MYPOP: variants seen among roughly 807,000 people sequenced by gnomAD.
MYPOP encodes the protein Myb related transcription factor, partner of profilin.
A neutral mutation model predicts 25.7 loss-of-function variants in MYPOP; 21 were observed. The observed-to-expected ratio is 0.82, with a 90% CI of 0.58 to 1.18. The LOEUF (loss-of-function observed/expected upper bound fraction) is 1.18, where lower values mean the gene tolerates loss of function less well. Among genes scored for constraint, MYPOP ranks in the 50% most tolerant of loss-of-function variants. MYPOP has a pLI of 0.00. For synonymous variants in MYPOP, 280 were observed against 247.9 expected, an observed-to-expected ratio of 1.13 and a Z score of -1.22; for missense variants, 566 against 588.3, an observed-to-expected ratio of 0.96 and a Z score of 0.39.
Position 45,890,950 on chromosome 19 carries a change from G to A in MYPOP, c.873C>T (p.Leu291=), listed in dbSNP as rs556339044. The A allele has an allele frequency of 1.5e-5, 22 of 1,471,270 alleles. No homozygotes were observed. The South Asian group carries it at 2.6e-4, about 18-fold the overall frequency. 91.1% of individuals were successfully genotyped at this position (1,471,270 alleles called of 1,614,324 possible). A position where few individuals can be genotyped will look rare whatever the true frequency, so the allele number is the denominator to read the frequency against. The stretch of plus-strand genomic sequence containing the variant: ...CTGGCAGAAGGGGCAGCAGAGCGCT[G>A]AGGGCCTCGCTCAGTTTGGCCAGTC... The part of the protein sequence containing the change: ...RQGLAKLSEA[L]SALLPLLPGT... Residue 291 remains leucine, a synonymous_variant, in exon 3 of 3, where the codon CTC becomes CTT. Coordinates refer to ENST00000322217, the MANE Select transcript of MYPOP (RefSeq NM_001012643.4).
intron 2 of MYPOP, among the ~76,000 whole-genome samples, chr19:45,896,665 C>CCGGA (rs1436917499): frequency 8.7e-5 from 13 of 149,972 alleles, no homozygotes; most frequent in Admixed American, 2.7e-4. Context: ...GTCGCCCAGG[C>CCGGA]CGGACTGCGG....
rs1387045991 is a variant in MYPOP at position 45,901,744 on chromosome 19, C to T, written c.30G>A (p.Glu10=). Residue 10 remains glutamate, a synonymous_variant, in exon 2 of 3, where the codon GAG becomes GAA. Transcript: ENST00000322217. The surrounding 1 kb of genome is among the most constrained non-coding windows in gnomAD (Gnocchi z 5.7). MASAAAGEA[E]ETTRLRKPRF... ...GCGGCTTGCGCAACCGGGTGGTTTCCTCCGCTTCGCCCGCCGCCGCCGAGG... is the reference window on the plus strand; with the variant it reads ...GCGGCTTGCGCAACCGGGTGGTTTCTTCCGCTTCGCCCGCCGCCGCCGAGG... The T allele has an allele frequency of 4.6e-6, 7 of 1,508,008 alleles. No individual in the cohort carries two copies. The Admixed American group carries it at 8.7e-5, about 19-fold the overall frequency. The allele number at this position is 1,508,008 out of a possible 1,614,324, so 93.4% of individuals were successfully genotyped here.
rs1203659185 is a variant in MYPOP at position 45,891,037 on chromosome 19, G to A, written c.786C>T (p.Phe262=). 5 of 1,484,384 alleles carry A rather than the reference G, an allele frequency of 3.4e-6. No homozygotes were observed. Among genetic ancestry groups the A allele is most frequent in the Admixed American group, 2.1e-5 (1 of 47,426 alleles). The allele number at this position is 1,484,384 out of a possible 1,614,324, so 92.0% of individuals were successfully genotyped here. ...TLSASDPSLD[F]LRAQQETANA... The stretch of plus-strand genomic sequence containing the variant: ...TGGCAGTCTCCTGCTGGGCCCGCAG[G>A]AAGTCCAGGGAGGGGTCTGAGGCCG... Residue 262 remains phenylalanine (F), a synonymous_variant, in exon 3 of 3, where the codon TTC becomes TTT. Coordinates refer to ENST00000322217, the MANE Select transcript of MYPOP (RefSeq NM_001012643.4).
Position 45,901,363 on chromosome 19 carries a change from A to G in MYPOP, c.411T>C (p.Pro137=). The part of the protein sequence containing the change: ...PGAGAGAEEP[P]AAPSSQPPPP... ...GCGGCGGCTGTGAAGAGGGGGCCGC[A>G]GGGGGCTCCTCCGCCCCAGCACCTG... Residue 137 remains proline, a synonymous_variant, in exon 2 of 3, where the codon CCT becomes CCC. Coordinates refer to ENST00000322217, the MANE Select transcript of MYPOP (RefSeq NM_001012643.4). The surrounding 1 kb of genome is among the most constrained non-coding windows in gnomAD (Gnocchi z 5.7). The G allele has an allele frequency of 6.8e-7, 1 of 1,467,744 alleles. No homozygotes were observed. The highest frequency in any genetic ancestry group is 9.0e-7 in the Non-Finnish European group (1 of 1,110,652). 90.9% of individuals were successfully genotyped at this position (1,467,744 alleles called of 1,614,324 possible). A position where few individuals can be genotyped will look rare whatever the true frequency, so the allele number is the denominator to read the frequency against.
In MYPOP at chr19:45,890,835, T is replaced by C; in HGVS notation, c.988A>G (p.Lys330Glu). The C allele has an allele frequency of 1.1e-6, 1 of 901,016 alleles. No individual in the cohort carries two copies. Among genetic ancestry groups the C allele is most frequent in the East Asian group, 1.5e-4 (1 of 6,616 alleles). 55.8% of individuals were successfully genotyped at this position (901,016 alleles called of 1,614,324 possible). A position where few individuals can be genotyped will look rare whatever the true frequency, so the allele number is the denominator to read the frequency against. ...ACGGGCTCTGGGGTGATCTCCACCT[T>C]GGGGGCCGGTGGGGGCAGGACAGGC... ...PRPVLPPPAP[K>E]VEITPEPVSV... The change falls in exon 3 of 3, where the codon AAG (lysine) becomes GAG (glutamate). Residue 330 changes from lysine (K) to glutamate (E), a missense_variant. Transcript: ENST00000322217.
chr19:45,901,531 G>C lies in MYPOP; in HGVS notation c.243C>G (p.Asn81Lys). 6.2e-7 allele frequency: 1 copy of C among 1,611,930 alleles called. No individual in the cohort carries two copies. Residue 81 changes from asparagine to lysine, a missense_variant, in exon 2 of 3, where the codon AAC becomes AAG. Physicochemically the swap from Asn to Lys is moderately conservative, Grantham distance 94. Transcript: ENST00000322217. This position sits in a 1 kb window ranked among gnomAD's most constrained non-coding sequence, Gnocchi z 5.7. ...RTGQEVQKRWNDFKRRTKEKL... is the reference protein window; with the variant it reads ...RTGQEVQKRWKDFKRRTKEKL... The stretch of plus-strand genomic sequence containing the variant: ...TCTCCTTGGTGCGGCGCTTGAAGTC[G>C]TTCCAGCGCTTCTGCACCTCCTGGC...
chr19:45,899,242 C>T (rs1421522520), intron 2 of MYPOP, among the ~76,000 whole-genome samples: 3 of 151,976 alleles, frequency 2.0e-5, no homozygotes, highest in Non-Finnish European at 4.4e-5. Context: ...AACAAACAAA[C>T]AAGCAAACAA....
chr19:45,896,748 C>G (rs533768277), intron 2 of MYPOP, among the ~76,000 whole-genome samples: 1 of 151,652 alleles, frequency 6.6e-6, no homozygotes, highest in South Asian at 2.1e-4. Context: ...GCCTCAGCCT[C>G]CCGAGTAGCT....
chr19:45,893,510 G>T (rs1454073193), intron 2 of MYPOP, among the ~76,000 whole-genome samples: 2 of 146,878 alleles, frequency 1.4e-5, no homozygotes, highest in African/African-American at 5.0e-5. Context: ...AGAAGTTGCA[G>T]TGAGCTGAGA....
rs766988551 is a variant in MYPOP, at chr19:45,901,317, G to A, written c.457C>T (p.Arg153Cys). The change falls in exon 2 of 3, where the codon CGC becomes TGC. Residue 153 changes from arginine (R) to cysteine (C), a missense_variant. Arg to Cys is a radical substitution (Grantham distance 180). Transcript: ENST00000322217. This position sits in a 1 kb window ranked among gnomAD's most constrained non-coding sequence, Gnocchi z 5.7. ...CGGCGGTCTTCCGACAACACGTAGC[G>A]CTGAGGGCAGGCGCTTGGGGGCGGC... ...QPPPPSACPQ[R>C]YVLSEDRRED... 34 of 1,461,460 alleles carry A rather than the reference G, an allele frequency of 2.3e-5. 1 individual carries two copies. In the Admixed American group the frequency reaches 8.7e-4, roughly 38 times the overall value. The allele number at this position is 1,461,460 out of a possible 1,614,324, so 90.5% of individuals were successfully genotyped here. A position where few individuals can be genotyped will look rare whatever the true frequency, so the allele number is the denominator to read the frequency against.
intron 2 of MYPOP, among the ~76,000 whole-genome samples, chr19:45,900,449 A>AC (rs57059844): frequency 0.02 from 1,531 of 76,764 alleles, 26 homozygotes; most frequent in Admixed American, 0.045. Flanking sequence ...CTCCTGGACC[A>AC]CCCCCCCCCC....
At chr19:45,897,665 C>A (rs749909855) in intron 2 of MYPOP, among the ~76,000 whole-genome samples, 1 of 151,928 alleles carries the variant, frequency 6.6e-6, no homozygotes, top group Non-Finnish European at 1.5e-5. Context: ...AAGGGATCCT[C>A]ATGCCTCAAC....
chr19:45,894,071 G>A (rs1047829880), intron 2 of MYPOP, among the ~76,000 whole-genome samples: 1 of 151,166 alleles, frequency 6.6e-6, no homozygotes, highest in Non-Finnish European at 1.5e-5. Flanking sequence ...TTACAGGCAT[G>A]AGCCACCGCG....
In MYPOP at chr19:45,890,910, A is replaced by T; in HGVS notation, c.913T>A (p.Ser305Thr). Residue 305 changes from serine to threonine, a missense_variant, in exon 3 of 3, where the codon TCC (serine) becomes ACC (threonine). Ser to Thr is a moderately conservative substitution (Grantham distance 58, BLOSUM62 1). Coordinates refer to ENST00000322217, the MANE Select transcript of MYPOP (RefSeq NM_001012643.4). Reference sequence around the variant, plus strand: ...GGTGGGGGCAGAGGTGGAGGCAGGGAGTCAACTGGGGTTCCTGGCAGAAGG... The same window carrying T: ...GGTGGGGGCAGAGGTGGAGGCAGGGTGTCAACTGGGGTTCCTGGCAGAAGG... ...LPLLPGTPVDSLPPPLPPPPP... is the reference protein window; with the variant it reads ...LPLLPGTPVDTLPPPLPPPPP... 1 of 1,438,828 alleles carries T rather than the reference A, an allele frequency of 7.0e-7. No homozygotes were observed. The highest frequency in any genetic ancestry group is 9.1e-7 in the Non-Finnish European group (1 of 1,097,882). 89.1% of individuals were successfully genotyped at this position (1,438,828 alleles called of 1,614,324 possible).
chr19:45,897,699 C>T (rs939453779), intron 2 of MYPOP, among the ~76,000 whole-genome samples: 5 of 151,026 alleles, frequency 3.3e-5, no homozygotes, highest in East Asian at 2.0e-4. Context: ...GGGACCAAGG[C>T]GCCGGCCACC....
intron 2 of MYPOP, among the ~76,000 whole-genome samples, chr19:45,896,519 C>A (rs571534379): frequency 6.6e-6 from 1 of 152,190 alleles, no homozygotes; most frequent in Non-Finnish European, 1.5e-5. Context: ...ATGATCATCG[C>A]CCCATTTTAT....
intron 2 of MYPOP, among the ~76,000 whole-genome samples, chr19:45,900,847 C>G (rs1441998642): frequency 6.6e-6 from 1 of 152,192 alleles, no homozygotes; most frequent in Non-Finnish European, 1.5e-5. Context: ...CCCATATTAG[C>G]TCATTTAATC....
chr19:45,898,415 C>T (rs1248988402), intron 2 of MYPOP, among the ~76,000 whole-genome samples: 1 of 152,002 alleles, frequency 6.6e-6, no homozygotes, highest in Non-Finnish European at 1.5e-5. Flanking sequence ...CTCTGCCTCC[C>T]GGGTTCAAGC....
chr19:45,892,309 G>A (rs1231528604), intron 2 of MYPOP, among the ~76,000 whole-genome samples: 1 of 152,180 alleles, frequency 6.6e-6, no homozygotes, highest in Non-Finnish European at 1.5e-5. Context: ...GTCTGGGAGA[G>A]AGCTGGGGTG....
Sources: allele counts gnomAD v4.1 joint callset (sites outside exome capture counted in the v4.1 genomes callset), GRCh38; gene constraint gnomAD v4.1.1; non-coding constraint Gnocchi (gnomAD v3.1); transcripts MANE v1.5; gene names NCBI Gene and HGNC (gene_info 2026-07-23, HGNC 2026-07-21).